The following CSMD3 variants were observed in gnomAD, a reference collection of about 807,000 sequenced individuals.
The protein encoded by CSMD3 is CUB and sushi domain-containing protein 3.
CSMD3 carries 177 observed loss-of-function variants against 435.2 expected under a neutral mutation model. The observed-to-expected ratio is 0.41, with a 90% CI of 0.36 to 0.46. The LOEUF is 0.46. CSMD3 is among the 20% of genes least tolerant of loss of function. CSMD3 has a pLI of 0.34. For synonymous variants in CSMD3, 1,656 were observed against 1,520.5 expected (o/e 1.09, Z -2.07); for missense variants, 4,265 against 4,504.6 (o/e 0.95, Z 1.52).
chr8:113,264,743 CTAAACCT>C (rs1307417050), intron 3 of CSMD3, among the ~76,000 whole-genome samples: 3 of 151,438 alleles, frequency 2.0e-5, no homozygotes, highest in Admixed American at 2.0e-4. Context: ...GCTATTTTCC[CTAAACCT>C]TAATTATTTA....
At chr8:112,270,611 G>A (rs1817439958) in intron 59 of CSMD3, among the ~76,000 whole-genome samples, 1 of 151,964 alleles carries the variant, frequency 6.6e-6, no homozygotes, top group South Asian at 2.1e-4. Context: ...ATGATAGTAG[G>A]TTTTGTTTAA....
At chr8:112,773,982 A>G (rs1367056355) in intron 13 of CSMD3, among the ~76,000 whole-genome samples, 3 of 152,070 alleles carry the variant, frequency 2.0e-5, no homozygotes, top group Admixed American at 6.6e-5. Flanking sequence ...CCATCTTGGT[A>G]CTGTCTTCAC....
intron 3 of CSMD3, among the ~76,000 whole-genome samples, chr8:113,267,083 T>TA: frequency 6.6e-6 from 1 of 151,806 alleles, no homozygotes; most frequent in South Asian, 2.1e-4. Context: ...TTATTATTGT[T>TA]AAAAAGGCAA....
At chr8:112,990,403 G>A (rs1410354394) in intron 6 of CSMD3, among the ~76,000 whole-genome samples, 1 of 151,852 alleles carries the variant, frequency 6.6e-6, no homozygotes, top group African/African-American at 2.4e-5. Flanking sequence ...TCTAATACAT[G>A]ACTTGTCTTT....
chr8:112,420,485 CT>C (rs1812362959), intron 32 of CSMD3, among the ~76,000 whole-genome samples: 1 of 151,810 alleles, frequency 6.6e-6, no homozygotes, highest in South Asian at 2.1e-4. Flanking sequence ...CAAAAATAGT[CT>C]TTTTATAGTT....
At position 112,899,911 on chromosome 8, in the gene CSMD3, G is replaced by A. The variant is rs2082063910; in HGVS notation, c.1633+21716C>T. On this transcript the variant is annotated intron_variant, in intron 10 of 70. Transcript: ENST00000297405. ...AGTTTTGTCGCTTAACAGGATTATT[G>A]TATGACATTATTTTTATTTGTTAGA... Among the ~76,000 whole-genome samples, 6 of 150,614 alleles carry A rather than the reference G, an allele frequency of 4.0e-5. No homozygotes were observed. In the Admixed American group the frequency reaches 4.0e-4, roughly 10 times the overall value.
chr8:112,647,396 G>A (rs1314268111), intron 19 of CSMD3, among the ~76,000 whole-genome samples: 2 of 151,200 alleles, frequency 1.3e-5, no homozygotes, highest in Non-Finnish European at 2.9e-5. Flanking sequence ...CCGCCCCCCG[G>A]GTTCACGCCA....
At position 112,346,188 on chromosome 8, in the gene CSMD3, G is replaced by C. The variant is rs1825650944; in HGVS notation, c.6351C>G (p.Asp2117Glu). 9.9e-6 allele frequency: 16 copies of C among 1,612,228 alleles called. No individual in the cohort carries two copies. The highest frequency in any genetic ancestry group is 1.3e-5 in the Non-Finnish European group (15 of 1,178,450). Residue 2117 changes from aspartate to glutamate, a missense_variant, in exon 41 of 71, where the codon GAC becomes GAG. This residue lies in a region of CSMD3 where 3,255 missense variants were observed against 3,380.2 expected (regional missense o/e 0.96). Transcript: ENST00000297405. ...CLAQCGGAMS[D>E]FSGVILSPGF... ...CAGGACTGAGGATCACACCACTGAA[G>C]TCTGACATAGCACCACCACACTGAG...
chr8:112,685,874 C>A (rs2075999572), intron 14 of CSMD3, 142 bp from the exon 15 acceptor site: 3 of 652,676 alleles, frequency 4.6e-6, no homozygotes, highest in Non-Finnish European at 7.7e-6. Flanking sequence ...CAGAACAAAA[C>A]GGTTACCATT....
At chr8:112,435,536 G>A (rs984574402) in intron 32 of CSMD3, among the ~76,000 whole-genome samples, 2 of 151,910 alleles carry the variant, frequency 1.3e-5, no homozygotes, top group African/African-American at 4.8e-5. Flanking sequence ...TTCATCATGA[G>A]CTCATTTCTA....
intron 32 of CSMD3, among the ~76,000 whole-genome samples, chr8:112,416,238 A>C (rs1811899131): frequency 6.6e-6 from 1 of 152,124 alleles, no homozygotes; most frequent in Admixed American, 6.5e-5. Flanking sequence ...ATAGTGAGTG[A>C]GTTCTTATGA....
chr8:112,646,599 T>C (rs1182900386), intron 19 of CSMD3, among the ~76,000 whole-genome samples: 1 of 152,176 alleles, frequency 6.6e-6, no homozygotes, highest in African/African-American at 2.4e-5. Flanking sequence ...AATGCATAAA[T>C]CTATGTAACA....
chr8:113,394,272 C>T (rs1258409296), intron 1 of CSMD3, among the ~76,000 whole-genome samples: 1 of 151,856 alleles, frequency 6.6e-6, no homozygotes, highest in Non-Finnish European at 1.5e-5. Flanking sequence ...TGTTTGGAAT[C>T]TCTAATATAT....
At chr8:112,464,715 A>G (rs73702883) in intron 32 of CSMD3, among the ~76,000 whole-genome samples, 2,645 of 152,288 alleles carry the variant, frequency 0.017, 79 homozygotes, top group African/African-American at 0.06. Context: ...TGTCTCTACA[A>G]TATGGGTTCT....
chr8:112,798,865 G>A (rs555888718), intron 13 of CSMD3, among the ~76,000 whole-genome samples: 7 of 151,916 alleles, frequency 4.6e-5, no homozygotes, highest in African/African-American at 1.7e-4. Flanking sequence ...CATTTAGAGG[G>A]AGAAGGGGAA....
At chr8:112,896,208 A>G (rs2081946000) in intron 10 of CSMD3, among the ~76,000 whole-genome samples, 1 of 151,418 alleles carries the variant, frequency 6.6e-6, no homozygotes. Flanking sequence ...TAACACCTAC[A>G]TAGAAAGTCC....
chr8:112,525,821 T>TAA lies in CSMD3; in HGVS notation c.4565-8598_4565-8597dup, dbSNP rs200958191. On this transcript the variant is annotated intron_variant, in intron 27 of 70. Coordinates refer to ENST00000297405, the MANE Select transcript of CSMD3 (RefSeq NM_198123.2). ...GTATATATATATATACACACACATATAAAAAATATATATATATATATACAG... is the reference window on the plus strand; with the variant it reads ...GTATATATATATATACACACACATATAAAAAAAATATATATATATATATACAG... Among the ~76,000 whole-genome samples the TAA allele has an allele frequency of 4.6e-3, 604 of 132,498 alleles. 6 individuals carry two copies. Among genetic ancestry groups the TAA allele is most frequent in the African/African-American group, 0.015 (530 of 34,366 alleles). The allele number at this position is 132,498 out of a possible 152,430, so 86.9% of individuals were successfully genotyped here.
chr8:113,405,257 A>G (rs909278291), intron 1 of CSMD3, among the ~76,000 whole-genome samples: 2 of 151,624 alleles, frequency 1.3e-5, no homozygotes, highest in African/African-American at 4.8e-5. Flanking sequence ...ACAATTTTGT[A>G]TCAGGATATT....
intron 4 of CSMD3, among the ~76,000 whole-genome samples, chr8:113,156,340 CAT>C (rs2091927987): frequency 6.6e-6 from 1 of 151,952 alleles, no homozygotes; most frequent in Non-Finnish European, 1.5e-5. Flanking sequence ...TTAATAGAAA[CAT>C]ATTTTATAGA....
Sources: gnomAD v4.1 joint callset for allele counts (sites outside exome capture counted in the v4.1 genomes callset) on GRCh38, gnomAD v4.1.1 for gene constraint, gnomAD v4.1.1 regional missense constraint, MANE v1.5 for transcripts, NCBI Gene and HGNC (gene_info 2026-07-23, HGNC 2026-07-21) for gene names.